Variants in MROH2B observed in about 807,000 individuals in gnomAD.
The protein encoded by MROH2B is maestro heat-like repeat-containing protein family member 2B.
MROH2B carries 177 observed loss-of-function variants against 208.6 expected under a neutral mutation model. The observed-to-expected ratio is 0.85, with a 90% CI of 0.75 to 0.96. The LOEUF is 0.96. MROH2B is among the 40% of genes least tolerant of loss of function. The pLI is 0.00. For missense variants in MROH2B, 2,002 were observed against 1,878.7 expected, an observed-to-expected ratio of 1.07 and a Z score of -1.21; for synonymous variants, 728 against 659.0, an observed-to-expected ratio of 1.10 and a Z score of -1.60.
intron 16 of MROH2B, among the ~76,000 whole-genome samples, chr5:41,047,971 CT>C (rs1743173419): frequency 1.3e-5 from 2 of 152,126 alleles, no homozygotes; most frequent in South Asian, 2.1e-4. Flanking sequence ...AAAATCTAGG[CT>C]TTTTGCTAAT....
rs1741704209 is a variant in MROH2B at position 41,009,393 on chromosome 5, A to G, written c.3307T>C (p.Leu1103=). 1.2e-6 allele frequency: 2 copies of G among 1,613,644 alleles called. No homozygotes were observed. Among genetic ancestry groups the G allele is most frequent in the Non-Finnish European group, 1.7e-6 (2 of 1,179,772 alleles). ...PLPFDRDTKT[L]WKALAEKPAS... ...GGCTTTTCAGCCAGCGCCTTCCACA[A>G]TGTCTTTGTGTCCCTAGGGTGGCAA... is the stretch of plus-strand genomic sequence containing the variant. The change falls in exon 32 of 42, where the codon TTG becomes CTG. Residue 1103 remains leucine (L), a synonymous_variant. Transcript: ENST00000399564.
chr5:41,038,654 A>T (rs1742841296), intron 21 of MROH2B, 82 bp downstream of exon 21: 8 of 1,397,988 alleles, frequency 5.7e-6, no homozygotes, highest in Non-Finnish European at 7.6e-6. Context: ...CTGGGAAGGA[A>T]AAAAGCTTCC....
At position 41,000,818 on chromosome 5, in the gene MROH2B, T is replaced by G; in HGVS notation, c.4210A>C (p.Arg1404=). 6.2e-7 allele frequency: 1 copy of G among 1,611,256 alleles called. No homozygotes were observed. The highest frequency in any genetic ancestry group is 8.5e-7 in the Non-Finnish European group (1 of 1,178,778). ...TCAAATAAGAAGATGGCAGTCAATC[T>G]CACATCATCCTGCTCCTGTGGTGAC... ...TFFEDEQDDV[R]LTAIFLFEDL... The change falls in exon 38 of 42, where the codon AGA becomes CGA. Residue 1404 remains arginine (R), a synonymous_variant. Coordinates refer to ENST00000399564, the MANE Select transcript of MROH2B (RefSeq NM_173489.5).
At position 41,022,354 on chromosome 5, in the gene MROH2B, T is replaced by A. The variant is rs556826526; in HGVS notation, c.2442-3336A>T. Among the ~76,000 whole-genome samples the A allele has an allele frequency of 6.6e-5, 10 of 152,318 alleles. No homozygotes were observed. The South Asian group carries it at 2.1e-3, about 32-fold the overall frequency. On this transcript the variant is annotated intron_variant, in intron 24 of 41. Coordinates refer to ENST00000399564, the MANE Select transcript of MROH2B (RefSeq NM_173489.5). ...GAAAATTGGGTCACTCCTACCCTCATACTGTGCTTTTCGCATGGTCTTAGC... is the reference window on the plus strand; with the variant it reads ...GAAAATTGGGTCACTCCTACCCTCAAACTGTGCTTTTCGCATGGTCTTAGC...
intron 35 of MROH2B, chr5:41,005,212 G>A: frequency 1.9e-6 from 1 of 527,648 alleles, no homozygotes; most frequent in Non-Finnish European, 3.3e-6. Flanking sequence ...TCCTTCTCTG[G>A]ATTGGCTGGA....
intron 24 of MROH2B, among the ~76,000 whole-genome samples, chr5:41,027,392 A>G (rs1266119717): frequency 6.6e-6 from 1 of 152,212 alleles, no homozygotes; most frequent in Non-Finnish European, 1.5e-5. Flanking sequence ...ATGAACAGAC[A>G]CTTCTCAAAA....
chr5:41,008,812 T>G lies in MROH2B; in HGVS notation c.3421-19A>C. The G allele has an allele frequency of 6.3e-7, 1 of 1,597,656 alleles. No homozygotes were observed. Among genetic ancestry groups the G allele is most frequent in the Non-Finnish European group, 8.6e-7 (1 of 1,169,314 alleles). ...AGGCCACCTGAGGGGAGAAAGGGCC[T>G]CTTGGTCAGGCAGTCTCATTTTCTC... On this transcript the variant is annotated intron_variant, in intron 32 of 41. Transcript: ENST00000399564.
At position 41,007,317 on chromosome 5, in the gene MROH2B, G is replaced by A. The variant is rs867764713; in HGVS notation, c.3746C>T (p.Ala1249Val). Residue 1249 changes from alanine to valine, a missense_variant, in exon 34 of 42, where the codon GCC becomes GTC. Ala to Val is a moderately conservative substitution (Grantham distance 64). Coordinates refer to ENST00000399564, the MANE Select transcript of MROH2B (RefSeq NM_173489.5). ...TTCTAGAAAAAGTGCACATTACCTG[G>A]CCAGTGAACATACGCCTATGTGGTG... is the stretch of plus-strand genomic sequence containing the variant. ...STHHIGVCSL[A>V]RSMAVWQHGV... 7.1e-7 allele frequency: 1 copy of A among 1,412,052 alleles called. No individual in the cohort carries two copies. Among genetic ancestry groups the A allele is most frequent in the Admixed American group, 3.1e-5 (1 of 32,070 alleles). The allele number at this position is 1,412,052 out of a possible 1,614,324, so 87.5% of individuals were successfully genotyped here.
chr5:41,069,601 A>C (rs1404085003), intron 2 of MROH2B, 90 bp downstream of exon 2: 1 of 1,006,248 alleles, frequency 9.9e-7, no homozygotes, highest in Admixed American at 2.3e-5. Context: ...CCAGAGAAAA[A>C]TGAGAAAGTT....
intron 4 of MROH2B, among the ~76,000 whole-genome samples, chr5:41,065,092 C>T (rs1233503720): frequency 1.3e-5 from 2 of 152,252 alleles, no homozygotes; most frequent in South Asian, 2.1e-4. Flanking sequence ...AAATGCAAAG[C>T]TGGATGAAGG....
At position 41,047,753 on chromosome 5, in the gene MROH2B, T is replaced by C. The variant is rs1164312414; in HGVS notation, c.1696A>G (p.Ser566Gly). ...AGCATGGTTTCCCATAGAACGGTAC[T>C]GATGTTCTTTCCTAGAAACAAAAAT... ...LLQPLEGKNISTVLWETMLLQ... is the reference protein window; with the variant it reads ...LLQPLEGKNIGTVLWETMLLQ... The change falls in exon 17 of 42, where the codon AGT (serine) becomes GGT (glycine). Residue 566 changes from serine to glycine, a missense_variant. Coordinates refer to ENST00000399564, the MANE Select transcript of MROH2B (RefSeq NM_173489.5). 1 of 1,591,768 alleles carries C rather than the reference T, an allele frequency of 6.3e-7. No individual in the cohort carries two copies. The highest frequency in any genetic ancestry group is 1.1e-5 in the South Asian group (1 of 87,168).
intron 30 of MROH2B, among the ~76,000 whole-genome samples, chr5:41,012,040 T>A (rs1741790337): frequency 6.6e-6 from 1 of 152,226 alleles, no homozygotes; most frequent in South Asian, 2.1e-4. Context: ...AAGAGAGGCA[T>A]TTCCATTTGG....
At chr5:41,057,958 C>A (rs1743513708) in intron 7 of MROH2B, 105 bp downstream of exon 7, 1 of 1,121,490 alleles carries the variant, frequency 8.9e-7, no homozygotes, top group East Asian at 2.8e-5. Flanking sequence ...AAGTCAGCTG[C>A]CCAAACAGGA....
intron 23 of MROH2B, 38 bp from the exon 24 acceptor site, chr5:41,032,859 G>T: frequency 6.3e-7 from 1 of 1,588,058 alleles, no homozygotes; most frequent in Non-Finnish European, 8.6e-7. Flanking sequence ...TTTCAGAAAG[G>T]CTCAGGAAAG....
chr5:41,051,019 C>A lies in MROH2B; in HGVS notation c.1302G>T (p.Glu434Asp). 1 of 1,563,822 alleles carries A rather than the reference C, an allele frequency of 6.4e-7. No individual in the cohort carries two copies. Among genetic ancestry groups the A allele is most frequent in the Non-Finnish European group, 8.6e-7 (1 of 1,161,580 alleles). ...EEESVRETSL[E>D]VLKTLDPLVI... ...CCAGTGGGTCCAGGGTTTTTAAGAC[C>A]TCAAGGCTTGTTTCTCGGACAGATT... Residue 434 changes from glutamate (E) to aspartate (D), a missense_variant, in exon 13 of 42, where the codon GAG (glutamate) becomes GAT (aspartate). Physicochemically the swap from Glu to Asp is conservative, Grantham distance 45. Transcript: ENST00000399564.
rs890523408 is a variant in MROH2B, at chr5:41,038,751, A to T, written c.2199T>A (p.His733Gln). 6.8e-6 allele frequency: 11 copies of T among 1,612,298 alleles called. No individual in the cohort carries two copies. Among genetic ancestry groups the T allele is most frequent in the Non-Finnish European group, 9.3e-6 (11 of 1,179,294 alleles). The stretch of plus-strand genomic sequence containing the variant: ...CGGGCATTACCTGAGAGCACTGGCC[A>T]TGAAGAGACAGGACTTGGGATATGA... Reference protein sequence around the residue: ...QDIISQVLSLHGQCSQVLGMS... With the variant: ...QDIISQVLSLQGQCSQVLGMS... The change falls in exon 21 of 42, where the codon CAT becomes CAA. Residue 733 changes from histidine (H) to glutamine (Q), a missense_variant. Transcript: ENST00000399564.
chr5:41,064,525 T>C lies in MROH2B; in HGVS notation c.407A>G (p.Gln136Arg). The change falls in exon 5 of 42, where the codon CAA becomes CGA. Residue 136 changes from glutamine (Q) to arginine (R), a missense_variant. By Grantham distance (43) the Gln-to-Arg change is conservative. Coordinates refer to ENST00000399564, the MANE Select transcript of MROH2B (RefSeq NM_173489.5). ...PFMMMTLLTMQTMLRLAEDER... is the reference protein window; with the variant it reads ...PFMMMTLLTMRTMLRLAEDER... ...ATCCTCGGCCAGCCTGAGCATGGTTTGCATGGTGAGCAGGGTCATCATCAT... is the reference window on the plus strand; with the variant it reads ...ATCCTCGGCCAGCCTGAGCATGGTTCGCATGGTGAGCAGGGTCATCATCAT... 1 of 1,613,492 alleles carries C rather than the reference T, an allele frequency of 6.2e-7. No homozygotes were observed. The highest frequency in any genetic ancestry group is 8.5e-7 in the Non-Finnish European group (1 of 1,179,600).
In MROH2B at chr5:41,004,436, A is replaced by G. The variant is rs978094186; in HGVS notation, c.4104T>C (p.Ala1368=). The change falls in exon 37 of 42, where the codon GCT becomes GCC. Residue 1368 remains alanine, a synonymous_variant. Coordinates refer to ENST00000399564, the MANE Select transcript of MROH2B (RefSeq NM_173489.5). ...TCAGCAGCTCCAGGATTTTTTTTAGAGCCTTCAAGCTTTCACAGACGACTT... is the reference window on the plus strand; with the variant it reads ...TCAGCAGCTCCAGGATTTTTTTTAGGGCCTTCAAGCTTTCACAGACGACTT... ...RTEVVCESLK[A]LKKILELLTD... is the part of the protein sequence containing the mutation. 1.9e-6 allele frequency: 3 copies of G among 1,613,830 alleles called. No individual in the cohort carries two copies. The highest frequency in any genetic ancestry group is 1.3e-5 in the African/African-American group (1 of 74,908).
At chr5:41,068,308 CT>C (rs958665579) in intron 2 of MROH2B, among the ~76,000 whole-genome samples, 10 of 152,124 alleles carry the variant, frequency 6.6e-5, no homozygotes, top group Admixed American at 6.5e-5. Flanking sequence ...TCTGTGAGTC[CT>C]TTTCTTGCTC....
Sources: allele counts gnomAD v4.1 joint callset (sites outside exome capture counted in the v4.1 genomes callset), GRCh38; gene constraint gnomAD v4.1.1; transcripts MANE v1.5; gene names NCBI Gene and HGNC (gene_info 2026-07-23, HGNC 2026-07-21).